The following ZBTB38 variants were observed in gnomAD, a reference collection of about 807,000 sequenced individuals.
The protein encoded by ZBTB38 is zinc finger and BTB domain-containing protein 38.
A neutral mutation model predicts 76.8 loss-of-function variants in ZBTB38; 20 were observed. The ratio of observed to expected loss-of-function variants is 0.26; its 90% CI spans 0.18 to 0.38. The LOEUF (loss-of-function observed/expected upper bound fraction) is 0.38. ZBTB38 is among the 10% of genes least tolerant of loss of function. ZBTB38 has a pLI of 1.00. For missense variants in ZBTB38, 1,082 were observed against 1,482.3 expected (o/e 0.73, Z 4.43); for synonymous variants, 504 against 544.2 (o/e 0.93, Z 1.03).
In ZBTB38 at chr3:141,434,357, G is replaced by C. The variant is rs1328760233; in HGVS notation, c.1-8032G>C. On this transcript the variant is annotated intron_variant, in intron 5 of 5. Coordinates refer to ENST00000321464, the MANE Select transcript of ZBTB38 (RefSeq NM_001376113.1). ...AGTCTTCCAAAGTTATAAGAAAAGG[G>C]ACCTATGACGAGGGAGAGTGTGTGC... 1.3e-5 allele frequency: 3 copies of C among 222,868 alleles called. No homozygotes were observed. In the East Asian group the frequency reaches 5.9e-4, roughly 44 times the overall value. 13.8% of individuals were successfully genotyped at this position (222,868 alleles called of 1,614,324 possible).
chr3:141,341,987 T>C (rs1479331276), intron 1 of ZBTB38, among the ~76,000 whole-genome samples: 2 of 152,150 alleles, frequency 1.3e-5, no homozygotes, highest in Non-Finnish European at 2.9e-5. Context: ...AGAATGTCTA[T>C]AATGAACAAT....
chr3:141,384,042 C>T (rs931916953), intron 3 of ZBTB38, among the ~76,000 whole-genome samples: 4 of 152,236 alleles, frequency 2.6e-5, no homozygotes, highest in Non-Finnish European at 5.9e-5. Context: ...AGAATGTCTG[C>T]CTAAACAAGC....
chr3:141,421,770 A>G (rs1405965970), intron 5 of ZBTB38, among the ~76,000 whole-genome samples: 1 of 152,212 alleles, frequency 6.6e-6, no homozygotes, highest in Non-Finnish European at 1.5e-5. Context: ...TGCGTGTTCC[A>G]CTAAGCATCA....
chr3:141,410,628 A>G (rs748511596), intron 5 of ZBTB38, among the ~76,000 whole-genome samples: 1 of 152,230 alleles, frequency 6.6e-6, no homozygotes, highest in Non-Finnish European at 1.5e-5. Flanking sequence ...AGACACACGC[A>G]GTAGGACACC....
intron 2 of ZBTB38, among the ~76,000 whole-genome samples, chr3:141,373,191 C>CA (rs1186926909): frequency 2.6e-5 from 4 of 152,090 alleles, no homozygotes; most frequent in African/African-American, 9.7e-5. Context: ...TTTGACATTT[C>CA]AAAAAAAGCA....
At chr3:141,371,637 C>T (rs996658389) in intron 2 of ZBTB38, among the ~76,000 whole-genome samples, 69 of 152,234 alleles carry the variant, frequency 4.5e-4, no homozygotes, top group African/African-American at 1.6e-3. Flanking sequence ...GCCACCGGGC[C>T]CAGCCGAGAA....
intron 3 of ZBTB38, chr3:141,386,473 G>A (rs146659967): frequency 3.1e-4 from 47 of 152,234 alleles, no homozygotes; most frequent in African/African-American, 9.2e-4. Context: ...CAAGCCTGCC[G>A]GCACCATTTA....
At chr3:141,376,780 G>A (rs1559926298) in intron 2 of ZBTB38, among the ~76,000 whole-genome samples, 1 of 152,160 alleles carries the variant, frequency 6.6e-6, no homozygotes, top group African/African-American at 2.4e-5. Flanking sequence ...ACCCACAGGA[G>A]ACAAAAATAG....
intron 5 of ZBTB38, among the ~76,000 whole-genome samples, chr3:141,415,235 G>A (rs192113150): frequency 3.3e-5 from 5 of 152,192 alleles, no homozygotes; most frequent in South Asian, 2.1e-4. Flanking sequence ...TCCTGTTTAC[G>A]TCACCCATTT....
At chr3:141,376,715 G>A (rs1320372613) in intron 2 of ZBTB38, among the ~76,000 whole-genome samples, 2 of 152,154 alleles carry the variant, frequency 1.3e-5, no homozygotes, top group Non-Finnish European at 2.9e-5. Context: ...CACGAGACCT[G>A]GACCCCTGGG....
chr3:141,409,375 G>C (rs892695451), intron 5 of ZBTB38, among the ~76,000 whole-genome samples: 3 of 152,238 alleles, frequency 2.0e-5, no homozygotes, highest in East Asian at 1.9e-4. Flanking sequence ...CCTGGGGTCT[G>C]TCTGACTCAC....
At chr3:141,325,813 G>A (rs781389378) in intron 1 of ZBTB38, among the ~76,000 whole-genome samples, 38 of 152,146 alleles carry the variant, frequency 2.5e-4, no homozygotes, top group South Asian at 2.1e-4. Context: ...GACGATGGCT[G>A]GTGACTAGCA....
chr3:141,404,320 G>A (rs1288257065), intron 5 of ZBTB38, among the ~76,000 whole-genome samples: 1 of 152,164 alleles, frequency 6.6e-6, no homozygotes, highest in Non-Finnish European at 1.5e-5. Flanking sequence ...GTTTCCCTAG[G>A]CTGGAAGGAT....
At chr3:141,340,944 A>AAAGAAAAGAAAAG (rs1385597139) in intron 1 of ZBTB38, among the ~76,000 whole-genome samples, 1 of 81,454 alleles carries the variant, frequency 1.2e-5, no homozygotes, top group African/African-American at 7.4e-5. Context: ...AAAGAAAAGA[A>AAAGAAAAGAAAAG]AGAAGGAAAG....
chr3:141,332,241 A>C (rs1942876919), intron 1 of ZBTB38, among the ~76,000 whole-genome samples: 1 of 152,030 alleles, frequency 6.6e-6, no homozygotes, highest in Non-Finnish European at 1.5e-5. Context: ...CTATTTTCCC[A>C]TTGAGAATGC....
intron 1 of ZBTB38, among the ~76,000 whole-genome samples, chr3:141,361,698 C>T (rs1490755044): frequency 1.3e-5 from 2 of 152,080 alleles, no homozygotes; most frequent in African/African-American, 2.4e-5. Context: ...CAGGGTAGGT[C>T]CAGACAGCAA....
At chr3:141,426,478 A>G (rs1352894622) in intron 5 of ZBTB38, among the ~76,000 whole-genome samples, 1 of 152,208 alleles carries the variant, frequency 6.6e-6, no homozygotes, top group East Asian at 1.9e-4. Flanking sequence ...GCAGCAGGCC[A>G]CAGACCCAGC....
At chr3:141,422,196 G>A (rs563138927) in intron 5 of ZBTB38, among the ~76,000 whole-genome samples, 2 of 152,356 alleles carry the variant, frequency 1.3e-5, no homozygotes, top group South Asian at 4.1e-4. Context: ...CTTTCCAGGA[G>A]TATGCTGCAG....
chr3:141,427,426 C>A (rs934987963), intron 5 of ZBTB38, among the ~76,000 whole-genome samples: 1 of 152,120 alleles, frequency 6.6e-6, no homozygotes, highest in Non-Finnish European at 1.5e-5. Flanking sequence ...GAAGGACATT[C>A]CAGGCTGCAG....
Sources: allele counts gnomAD v4.1 joint callset (sites outside exome capture counted in the v4.1 genomes callset), GRCh38; gene constraint gnomAD v4.1.1; transcripts MANE v1.5; gene names NCBI Gene and HGNC (gene_info 2026-07-23, HGNC 2026-07-21).